The following SPAG16 variants were observed in gnomAD, a reference collection of about 807,000 sequenced individuals.
The protein encoded by SPAG16 is sperm associated antigen 16.
In SPAG16, 86 loss-of-function variants were observed where a neutral mutation model predicts 80.4. That is an observed-to-expected ratio of 1.07 (90% CI 0.90 to 1.28). The LOEUF (loss-of-function observed/expected upper bound fraction) is 1.28. Ranked by LOEUF, SPAG16 falls within the 50% of genes most tolerant of loss-of-function variation. The probability of loss-of-function intolerance (pLI) is 0.00; values close to 1 mark genes in which losing one functional copy is unlikely to be tolerated. For missense variants in SPAG16, 870 were observed against 765.3 expected, an observed-to-expected ratio of 1.14 and a Z score of -1.61; for synonymous variants, 294 against 265.9, an observed-to-expected ratio of 1.11 and a Z score of -1.03.
At chr2:214,259,850 A>C (rs1242452028) in intron 15 of SPAG16, among the ~76,000 whole-genome samples, 1 of 152,158 alleles carries the variant, frequency 6.6e-6, no homozygotes, top group East Asian at 1.9e-4. Context: ...CGTTATCTAC[A>C]TAGAGAGCCA....
rs185494069 is a variant in SPAG16, at chr2:213,779,576, G to A, written c.1071-82909G>A. Among the ~76,000 whole-genome samples, 163 of 152,186 alleles carry A rather than the reference G, an allele frequency of 1.1e-3. 1 individual carries two copies. Among genetic ancestry groups the A allele is most frequent in the African/African-American group, 3.4e-3 (142 of 41,520 alleles). On this transcript the variant is annotated intron_variant, in intron 10 of 15. Coordinates refer to ENST00000331683, the MANE Select transcript of SPAG16 (RefSeq NM_024532.5). The stretch of plus-strand genomic sequence containing the variant: ...TATCAAGAAAGAGGGAGAGGTAACC[G>A]CTCCTTCAACTATAAAAAAAATTAT...
intron 10 of SPAG16, among the ~76,000 whole-genome samples, chr2:213,548,379 AT>A (rs1487052139): frequency 3.3e-5 from 5 of 151,978 alleles, no homozygotes; most frequent in African/African-American, 1.2e-4. Flanking sequence ...TGCCCGGCTA[AT>A]TTTTGTATTT....
intron 13 of SPAG16, among the ~76,000 whole-genome samples, chr2:214,034,007 T>C (rs1450953445): frequency 1.3e-5 from 2 of 152,226 alleles, no homozygotes; most frequent in Non-Finnish European, 2.9e-5. Flanking sequence ...TTAGTTCCCT[T>C]TAATCTGGAA....
chr2:214,163,005 T>G lies in SPAG16; in HGVS notation c.1720+13739T>G, dbSNP rs2056507986. Among the ~76,000 whole-genome samples, 3 of 152,220 alleles carry G rather than the reference T, an allele frequency of 2.0e-5. No homozygotes were observed. In the South Asian group the frequency reaches 6.2e-4, roughly 32 times the overall value. On this transcript the variant is annotated intron_variant, in intron 15 of 15. Coordinates refer to ENST00000331683, the MANE Select transcript of SPAG16 (RefSeq NM_024532.5). ...ACTTTCAATTTAGCTTATTAACTAG[T>G]TATTCAAATAATTTATACAATTTAT...
At chr2:214,120,480 A>C (rs1372824663) in intron 14 of SPAG16, among the ~76,000 whole-genome samples, 1 of 151,818 alleles carries the variant, frequency 6.6e-6, no homozygotes, top group African/African-American at 2.4e-5. Flanking sequence ...AGTGGCAGGA[A>C]TATTTCTTCA....
intron 11 of SPAG16, among the ~76,000 whole-genome samples, chr2:213,906,066 G>A (rs1156502008): frequency 1.3e-5 from 2 of 152,104 alleles, no homozygotes; most frequent in African/African-American, 2.4e-5. Flanking sequence ...GCAACAGACA[G>A]GAAGGTCTTA....
chr2:213,312,527 T>A (rs1038917242), intron 4 of SPAG16, among the ~76,000 whole-genome samples: 2 of 151,704 alleles, frequency 1.3e-5, no homozygotes, highest in African/African-American at 4.8e-5. Context: ...CACTTCTTTT[T>A]AAACCATTTT....
chr2:213,355,985 A>G (rs2065629813), intron 7 of SPAG16, among the ~76,000 whole-genome samples: 1 of 152,218 alleles, frequency 6.6e-6, no homozygotes, highest in Admixed American at 6.5e-5. Flanking sequence ...TTGCCCATTC[A>G]GTATGATATT....
intron 9 of SPAG16, among the ~76,000 whole-genome samples, chr2:213,487,132 T>A (rs2074015527): frequency 6.6e-6 from 1 of 152,092 alleles, no homozygotes; most frequent in Non-Finnish European, 1.5e-5. Context: ...CCCTGACTTT[T>A]ATTTCACATA....
At chr2:213,702,810 T>G (rs995362324) in intron 10 of SPAG16, among the ~76,000 whole-genome samples, 1 of 152,160 alleles carries the variant, frequency 6.6e-6, no homozygotes, top group East Asian at 1.9e-4. Flanking sequence ...TTGATATATA[T>G]CAAGAAGATT....
intron 15 of SPAG16, among the ~76,000 whole-genome samples, chr2:214,172,816 C>T (rs1010137825): frequency 2.6e-5 from 4 of 152,054 alleles, no homozygotes; most frequent in Admixed American, 2.6e-4. Flanking sequence ...GATGGTATCT[C>T]ATTGTGGTTT....
chr2:213,408,355 C>T (rs2068781443), intron 9 of SPAG16, among the ~76,000 whole-genome samples: 1 of 152,182 alleles, frequency 6.6e-6, no homozygotes, highest in Non-Finnish European at 1.5e-5. Flanking sequence ...CAATCTGTAG[C>T]AGCAACTGCT....
chr2:213,573,928 G>C (rs2060020138), intron 10 of SPAG16, among the ~76,000 whole-genome samples: 1 of 152,096 alleles, frequency 6.6e-6, no homozygotes. Context: ...TGTCCCCTGG[G>C]GATCTTGTGA....
At chr2:214,294,936 C>A (rs536274742) in intron 15 of SPAG16, among the ~76,000 whole-genome samples, 1 of 152,300 alleles carries the variant, frequency 6.6e-6, no homozygotes, top group African/African-American at 2.4e-5. Flanking sequence ...ATTTTTATTT[C>A]ACAGAATACA....
intron 10 of SPAG16, among the ~76,000 whole-genome samples, chr2:213,587,177 G>A (rs562964000): frequency 6.6e-6 from 1 of 152,278 alleles, no homozygotes; most frequent in East Asian, 1.9e-4. Flanking sequence ...CTGACAATGA[G>A]GCAATTTTCT....
intron 10 of SPAG16, among the ~76,000 whole-genome samples, chr2:213,726,350 C>T (rs933982): frequency 0.93 from 141,469 of 152,258 alleles, 66,638 homozygotes; most frequent in East Asian, 1. Flanking sequence ...GATTCCTACC[C>T]TTCATTAGGT....
chr2:213,672,451 A>G (rs1002948615), intron 10 of SPAG16, among the ~76,000 whole-genome samples: 3 of 150,090 alleles, frequency 2.0e-5, no homozygotes, highest in African/African-American at 7.4e-5. Flanking sequence ...CTCAGGTAAG[A>G]TTTTTTAAAA....
chr2:213,588,482 G>T (rs2060546732), intron 10 of SPAG16, among the ~76,000 whole-genome samples: 1 of 148,936 alleles, frequency 6.7e-6, no homozygotes, highest in Non-Finnish European at 1.5e-5. Flanking sequence ...GAATCCAAAA[G>T]TACAATATAG....
intron 15 of SPAG16, among the ~76,000 whole-genome samples, chr2:214,219,047 C>G (rs1216002570): frequency 6.6e-6 from 1 of 152,108 alleles, no homozygotes; most frequent in Non-Finnish European, 1.5e-5. Context: ...TAAAAAATAA[C>G]TCTACATTTG....
Sources: allele counts gnomAD v4.1 joint callset (sites outside exome capture counted in the v4.1 genomes callset), GRCh38; gene constraint gnomAD v4.1.1; transcripts MANE v1.5; gene names NCBI Gene and HGNC (gene_info 2026-07-23, HGNC 2026-07-21).